The following DSCAM variants were observed in gnomAD, a reference collection of about 807,000 sequenced individuals.
DSCAM encodes the protein cell adhesion molecule DSCAM.
Under a neutral mutation model 217.7 loss-of-function variants are expected in DSCAM, and 47 were observed. The observed-to-expected ratio is 0.22, with a 90% CI of 0.17 to 0.28. The LOEUF is 0.28. DSCAM is among the 10% of genes least tolerant of loss of function. The pLI, the probability that DSCAM is intolerant of heterozygous loss-of-function variation, is 1.00. For missense variants in DSCAM, 2,080 were observed against 2,618.3 expected (o/e 0.79, Z 4.49); for synonymous variants, 1,056 against 1,015.3 (o/e 1.04, Z -0.76).
At chr21:40,317,180 G>T (rs2074206672) in intron 8 of DSCAM, among the ~76,000 whole-genome samples, 2 of 152,228 alleles carry the variant, frequency 1.3e-5, no homozygotes, top group Non-Finnish European at 2.9e-5. Context: ...GCAGGTGGGA[G>T]TTTCTAGTCC....
chr21:40,788,811 C>T (rs1158745465), intron 1 of DSCAM, among the ~76,000 whole-genome samples: 1 of 152,204 alleles, frequency 6.6e-6, no homozygotes, highest in Non-Finnish European at 1.5e-5. Context: ...CAACTTCTAA[C>T]TTAAACCAGA....
intron 3 of DSCAM, among the ~76,000 whole-genome samples, chr21:40,672,777 T>G (rs1323372043): frequency 6.6e-6 from 1 of 152,164 alleles, no homozygotes; most frequent in Non-Finnish European, 1.5e-5. Flanking sequence ...GAATCATCCT[T>G]GATGACTGTC....
At position 40,711,784 on chromosome 21, in the gene DSCAM, C is replaced by T. The variant is rs181118543; in HGVS notation, c.44-3013G>A. 6.9e-4 allele frequency among the ~76,000 whole-genome samples: 105 copies of T among 152,288 alleles called. No homozygotes were observed. In the East Asian group the frequency reaches 0.017, roughly 24 times the overall value. On this transcript the variant is annotated intron_variant, in intron 1 of 32. Coordinates refer to ENST00000400454, the MANE Select transcript of DSCAM (RefSeq NM_001389.5). ...GCTGAAGGTGCATCCCACCTGAGAC[C>T]GCTATCATCAGAGCTTTGCAGAGAA...
chr21:40,819,389 G>A (rs545165903), intron 1 of DSCAM, among the ~76,000 whole-genome samples: 35 of 152,186 alleles, frequency 2.3e-4, no homozygotes, highest in African/African-American at 6.5e-4. Context: ...AGTCTATGTC[G>A]TCAAAACACA....
intron 1 of DSCAM, among the ~76,000 whole-genome samples, chr21:40,820,538 G>A (rs989526996): frequency 1.3e-5 from 2 of 152,124 alleles, no homozygotes; most frequent in African/African-American, 4.8e-5. Context: ...ATGACAGGTT[G>A]ATAAGTGCAG....
At chr21:40,557,758 T>C (rs1350141461) in intron 3 of DSCAM, among the ~76,000 whole-genome samples, 2 of 152,162 alleles carry the variant, frequency 1.3e-5, no homozygotes, top group Non-Finnish European at 1.5e-5. Flanking sequence ...TTTCCAGCCA[T>C]CAGAATTGTG....
At chr21:40,751,117 G>A (rs1347549569) in intron 1 of DSCAM, among the ~76,000 whole-genome samples, 2 of 152,044 alleles carry the variant, frequency 1.3e-5, no homozygotes, top group Non-Finnish European at 2.9e-5. Context: ...AGGCCTTGGT[G>A]TTTGCTGTTT....
chr21:40,065,571 T>C (rs1359024841), intron 27 of DSCAM, among the ~76,000 whole-genome samples: 1 of 152,182 alleles, frequency 6.6e-6, no homozygotes, highest in Non-Finnish European at 1.5e-5. Context: ...TCTGTCTGCA[T>C]GAATCCAGAG....
At chr21:40,771,822 C>A (rs1359557582) in intron 1 of DSCAM, among the ~76,000 whole-genome samples, 1 of 152,216 alleles carries the variant, frequency 6.6e-6, no homozygotes, top group Admixed American at 6.5e-5. Flanking sequence ...AATAGGTACA[C>A]TGGGAACTCA....
At position 40,124,225 on chromosome 21, in the gene DSCAM, G is replaced by A. The variant is rs1405163793; in HGVS notation, c.3666C>T (p.Tyr1222=). 3 of 1,614,050 alleles carry A rather than the reference G, an allele frequency of 1.9e-6. No homozygotes were observed. The highest frequency in any genetic ancestry group is 2.2e-5 in the South Asian group (2 of 91,082). Residue 1222 remains tyrosine, a synonymous_variant, in exon 20 of 33, where the codon TAC becomes TAT. Transcript: ENST00000400454. ...PLKLNGIIRK[Y]TVFCSHPYPT... is the part of the protein sequence containing the mutation. ...GATAGGGGTGGGAGCAGAATACAGT[G>A]TACTTTCGGATGATGCCGTTCAGCT...
intron 27 of DSCAM, among the ~76,000 whole-genome samples, chr21:40,072,196 T>TA (rs1201021232): frequency 6.6e-6 from 1 of 152,102 alleles, no homozygotes; most frequent in Non-Finnish European, 1.5e-5. Context: ...ACCACTAGTT[T>TA]AAAAAAAGGT....
intron 11 of DSCAM, among the ~76,000 whole-genome samples, chr21:40,256,519 G>A (rs1473771865): frequency 6.6e-6 from 1 of 152,118 alleles, no homozygotes; most frequent in Non-Finnish European, 1.5e-5. Flanking sequence ...GTGTGGGCTA[G>A]TAAGTCTAAA....
At position 40,470,576 on chromosome 21, in the gene DSCAM, A is replaced by C. The variant is rs536143595; in HGVS notation, c.509-101331T>G. Among the ~76,000 whole-genome samples, 6 of 152,250 alleles carry C rather than the reference A, an allele frequency of 3.9e-5. No individual in the cohort carries two copies. In the South Asian group the frequency reaches 1.2e-3, roughly 32 times the overall value. On this transcript the variant is annotated intron_variant, in intron 3 of 32. Coordinates refer to ENST00000400454, the MANE Select transcript of DSCAM (RefSeq NM_001389.5). ...TTTTGTTTATTAGGTTTTTGAGACA[A>C]AGTCTTCTCTGTCACCCAGGCTGAA...
chr21:40,431,752 G>T (rs868326456), intron 3 of DSCAM, among the ~76,000 whole-genome samples: 1 of 152,328 alleles, frequency 6.6e-6, no homozygotes, highest in Non-Finnish European at 1.5e-5. Flanking sequence ...GTTTTGGGGA[G>T]TAAAATGTTA....
intron 32 of DSCAM, among the ~76,000 whole-genome samples, chr21:40,029,865 G>T (rs1227482872): frequency 6.6e-6 from 1 of 152,172 alleles, no homozygotes; most frequent in Non-Finnish European, 1.5e-5. Flanking sequence ...CAGCTGGGGT[G>T]CCAAGCCTCG....
intron 8 of DSCAM, among the ~76,000 whole-genome samples, chr21:40,333,616 C>T (rs964880007): frequency 3.3e-5 from 5 of 152,146 alleles, no homozygotes; most frequent in African/African-American, 1.2e-4. Context: ...CCTCCTGCCT[C>T]GGTCTCCCAA....
In DSCAM at chr21:40,808,318, G is replaced by A. The variant is rs75995675; in HGVS notation, c.43+38301C>T. On this transcript the variant is annotated intron_variant, in intron 1 of 32. Coordinates refer to ENST00000400454, the MANE Select transcript of DSCAM (RefSeq NM_001389.5). ...ATTGCTGACAACATACAGACCCAAA[G>A]TTCACAAAAAAATGAAAAGAAGCCA... Among the ~76,000 whole-genome samples the A allele has an allele frequency of 0.014, 2,083 of 152,000 alleles. 98 individuals carry two copies. The East Asian group carries it at 0.17, about 13-fold the overall frequency.
At chr21:40,590,653 T>C (rs2076977599) in intron 3 of DSCAM, among the ~76,000 whole-genome samples, 1 of 152,146 alleles carries the variant, frequency 6.6e-6, no homozygotes, top group Non-Finnish European at 1.5e-5. Flanking sequence ...AAAAAATAAA[T>C]CTCAAAGTCA....
At position 40,013,396 on chromosome 21, in the gene DSCAM, A is replaced by C; in HGVS notation, c.5687-10T>G. 6.6e-7 allele frequency: 1 copy of C among 1,520,578 alleles called. No homozygotes were observed. Among genetic ancestry groups the C allele is most frequent in the Non-Finnish European group, 8.8e-7 (1 of 1,133,912 alleles). 94.2% of individuals were successfully genotyped at this position (1,520,578 alleles called of 1,614,324 possible). ...AAATGTATGAGGTCACCTAGAAGGA[A>C]AGACAGGGTAGTTAGTTGGTGTCTT... is the stretch of plus-strand genomic sequence containing the variant. On this transcript the variant is annotated splice_polypyrimidine_tract_variant and intron_variant, in intron 32 of 32. Coordinates refer to ENST00000400454, the MANE Select transcript of DSCAM (RefSeq NM_001389.5).
Sources: allele counts gnomAD v4.1 joint callset (sites outside exome capture counted in the v4.1 genomes callset), GRCh38; gene constraint gnomAD v4.1.1; transcripts MANE v1.5; gene names NCBI Gene and HGNC (gene_info 2026-07-23, HGNC 2026-07-21).